FNDC1: variants seen among roughly 807,000 people sequenced by gnomAD.
FNDC1 encodes fibronectin type III domain-containing protein 1.
FNDC1 carries 96 observed loss-of-function variants against 168.0 expected under a neutral mutation model. That is an observed-to-expected ratio of 0.57 (90% CI 0.48 to 0.68). The LOEUF is 0.68. FNDC1 is among the 30% of genes least tolerant of loss of function. The pLI is 0.00. For missense variants in FNDC1, 2,587 were observed against 2,482.1 expected (o/e 1.04, Z -0.90); for synonymous variants, 1,099 against 1,025.9 (o/e 1.07, Z -1.36).
chr6:159,226,446 A>G (rs1300469790), intron 8 of FNDC1, 27 bp from the exon 9 acceptor site: 2 of 1,575,028 alleles, frequency 1.3e-6, no homozygotes, highest in Non-Finnish European at 1.7e-6. Context: ...GGCATTTAAA[A>G]ATGTTTCTTT....
At chr6:159,251,597 T>A in intron 17 of FNDC1, 65 bp downstream of exon 17, 1 of 1,412,990 alleles carries the variant, frequency 7.1e-7, no homozygotes. Flanking sequence ...CAATAAAGAA[T>A]GGTGGATGAG....
chr6:159,216,529 G>A (rs753646575), intron 5 of FNDC1, among the ~76,000 whole-genome samples: 13 of 152,126 alleles, frequency 8.5e-5, no homozygotes, highest in Non-Finnish European at 1.6e-4. Context: ...CTTATCCCTC[G>A]GGCCTGATGC....
intron 12 of FNDC1, among the ~76,000 whole-genome samples, chr6:159,237,405 T>C (rs1265817298): frequency 1.3e-5 from 2 of 152,196 alleles, no homozygotes; most frequent in African/African-American, 4.8e-5. Context: ...TCCTATGTGA[T>C]GCTGAGGCTT....
rs1316200122 is a variant in FNDC1 at position 159,239,867 on chromosome 6, A to C, written c.4531A>C (p.Thr1511Pro). ...TTPTPTTPIP[T>P]CPPGTLERHD... ...CCCCACACCCACCACTCCCATCCCC[A>C]CCTGTCCCCCTGGGACCTTGGAACG... Residue 1511 changes from threonine to proline, a missense_variant, in exon 14 of 23, where the codon ACC (threonine) becomes CCC (proline). Coordinates refer to ENST00000297267, the MANE Select transcript of FNDC1 (RefSeq NM_032532.3). 16 of 1,547,790 alleles carry C rather than the reference A, an allele frequency of 1.0e-5. No homozygotes were observed. Among genetic ancestry groups the C allele is most frequent in the Middle Eastern group, 1.7e-4 (1 of 5,994 alleles).
intron 2 of FNDC1, among the ~76,000 whole-genome samples, chr6:159,198,075 A>G (rs907473262): frequency 1.3e-5 from 2 of 152,204 alleles, no homozygotes; most frequent in Non-Finnish European, 2.9e-5. Context: ...TAAAGATGTA[A>G]CACTTTGCCC....
chr6:159,190,770 A>G (rs1782119546), intron 1 of FNDC1, among the ~76,000 whole-genome samples: 1 of 152,256 alleles, frequency 6.6e-6, no homozygotes, highest in African/African-American at 2.4e-5. Flanking sequence ...CTTCAAGTTC[A>G]GGAACGGGTG....
At chr6:159,252,242 G>A (rs1308572193) in intron 17 of FNDC1, among the ~76,000 whole-genome samples, 1 of 152,216 alleles carries the variant, frequency 6.6e-6, no homozygotes, top group Non-Finnish European at 1.5e-5. Context: ...GGGCCTCTGA[G>A]CTGTGTAAGA....
At chr6:159,195,024 T>A (rs979928054) in intron 1 of FNDC1, among the ~76,000 whole-genome samples, 2 of 152,052 alleles carry the variant, frequency 1.3e-5, no homozygotes, top group Non-Finnish European at 2.9e-5. Context: ...AGGTCCAGTC[T>A]GTGTGTGGTG....
In FNDC1 at chr6:159,233,384, G is replaced by C; in HGVS notation, c.2872G>C (p.Ala958Pro). ...TCAGGATGTTCAACAGAGCACAGAC[G>C]CGGACACGGAGGGTCATTCTCCCAA... ...KAQDVQQSTDADTEGHSPKAQ... is the reference protein window; with the variant it reads ...KAQDVQQSTDPDTEGHSPKAQ... The change falls in exon 11 of 23, where the codon GCG (alanine) becomes CCG (proline). Residue 958 changes from alanine (A) to proline (P), a missense_variant. Coordinates refer to ENST00000297267, the MANE Select transcript of FNDC1 (RefSeq NM_032532.3). This position sits in a 1 kb window ranked among gnomAD's most constrained non-coding sequence, Gnocchi z 4.6. 3 of 1,613,596 alleles carry C rather than the reference G, an allele frequency of 1.9e-6. No individual in the cohort carries two copies. Among genetic ancestry groups the C allele is most frequent in the Non-Finnish European group, 2.5e-6 (3 of 1,179,810 alleles).
Position 159,239,791 on chromosome 6 carries a change from G to C in FNDC1, c.4455G>C (p.Arg1485Ser). ...RTTTTRRTTTRRPTTTVRTTT... is the reference protein window; with the variant it reads ...RTTTTRRTTTSRPTTTVRTTT... Reference sequence around the variant, plus strand: ...CCACCACCCGCCGCACGACCACCAGGCGTCCAACAACCACAGTCCGAACCA... The same window carrying C: ...CCACCACCCGCCGCACGACCACCAGCCGTCCAACAACCACAGTCCGAACCA... Residue 1485 changes from arginine to serine, a missense_variant, in exon 14 of 23, where the codon AGG becomes AGC. By Grantham distance (110) the Arg-to-Ser change is moderately radical. Transcript: ENST00000297267. 1.3e-6 allele frequency: 2 copies of C among 1,527,266 alleles called. No homozygotes were observed. The highest frequency in any genetic ancestry group is 2.4e-5 in the South Asian group (2 of 82,962). The allele number at this position is 1,527,266 out of a possible 1,614,324, so 94.6% of individuals were successfully genotyped here.
chr6:159,257,279 A>G (rs1026928076), intron 18 of FNDC1, among the ~76,000 whole-genome samples: 1 of 152,190 alleles, frequency 6.6e-6, no homozygotes, highest in African/African-American at 2.4e-5. Context: ...AGCATGGGAA[A>G]GCACCAAGCA....
At chr6:159,236,621 TG>T (rs1783266241) in intron 12 of FNDC1, among the ~76,000 whole-genome samples, 2 of 152,224 alleles carry the variant, frequency 1.3e-5, no homozygotes. Context: ...ACCCAATGGA[TG>T]GCCGTTCAAA....
chr6:159,261,899 C>T (rs1017881560), intron 19 of FNDC1, among the ~76,000 whole-genome samples: 3 of 151,832 alleles, frequency 2.0e-5, no homozygotes, highest in Admixed American at 2.0e-4. Flanking sequence ...ACCAGGAGTT[C>T]AAGACCAGCT....
At chr6:159,240,981 A>G (rs984844761) in intron 14 of FNDC1, 6 of 152,262 alleles carry the variant, frequency 3.9e-5, no homozygotes, top group Non-Finnish European at 8.8e-5. Flanking sequence ...AATCAGTTTG[A>G]ACATGAATAC....
At chr6:159,247,539 A>G (rs1206970912) in intron 15 of FNDC1, among the ~76,000 whole-genome samples, 1 of 152,192 alleles carries the variant, frequency 6.6e-6, no homozygotes, top group Non-Finnish European at 1.5e-5. Flanking sequence ...ACTTGAGCCC[A>G]GGAGTTCAAA....
chr6:159,250,823 A>G (rs1777242164), intron 16 of FNDC1, among the ~76,000 whole-genome samples: 1 of 152,164 alleles, frequency 6.6e-6, no homozygotes, highest in African/African-American at 2.4e-5. Context: ...TGGTTTATGA[A>G]GCTCTAGGGA....
rs546033647 is a variant in FNDC1 at position 159,208,925 on chromosome 6, G to A, written c.461-6020G>A. On this transcript the variant is annotated intron_variant, in intron 4 of 22. Coordinates refer to ENST00000297267, the MANE Select transcript of FNDC1 (RefSeq NM_032532.3). ...TGCAGTGGTGCAATCTTGGCTCACC[G>A]CAACCTCTGCCTCCCGGCATCAAGC... Among the ~76,000 whole-genome samples, 213 of 141,568 alleles carry A rather than the reference G, an allele frequency of 1.5e-3. 1 individual carries two copies. The highest frequency in any genetic ancestry group is 2.4e-3 in the Non-Finnish European group (163 of 67,020). The allele number at this position is 141,568 out of a possible 152,430, so 92.9% of individuals were successfully genotyped here.
In FNDC1 at chr6:159,271,763, G is replaced by A. The variant is rs114132926; in HGVS notation, c.*321G>A. On this transcript the variant is annotated 3_prime_UTR_variant, in exon 23 of 23. Coordinates refer to ENST00000297267, the MANE Select transcript of FNDC1 (RefSeq NM_032532.3). ...TCCAGACTTTTTAGGCATGAAATTC[G>A]GACACTTCAGTATTTCCAGGAATAG... 0.01 allele frequency: 2,487 copies of A among 239,190 alleles called. 65 individuals are homozygous for A. Among genetic ancestry groups the A allele is most frequent in the African/African-American group, 0.053 (2,306 of 43,874 alleles). The allele number at this position is 239,190 out of a possible 1,614,324, so 14.8% of individuals were successfully genotyped here.
At chr6:159,254,693 G>A (rs1158626608) in intron 17 of FNDC1, among the ~76,000 whole-genome samples, 1 of 126,268 alleles carries the variant, frequency 7.9e-6, no homozygotes, top group Non-Finnish European at 1.6e-5. Context: ...GGGCAACAGA[G>A]CAAGACTTCG....
Sources: allele counts gnomAD v4.1 joint callset (sites outside exome capture counted in the v4.1 genomes callset), GRCh38; gene constraint gnomAD v4.1.1; non-coding constraint Gnocchi (gnomAD v3.1); transcripts MANE v1.5; gene names NCBI Gene and HGNC (gene_info 2026-07-23, HGNC 2026-07-21).